The following FHOD3 variants were observed in gnomAD, a reference collection of about 807,000 sequenced individuals.
FHOD3 encodes formin homology 2 domain containing 3, also known as FH1/FH2 domain-containing protein 3.
In FHOD3, 90 loss-of-function variants were observed where a neutral mutation model predicts 173.0. The ratio of observed to expected loss-of-function variants is 0.52; its 90% CI spans 0.44 to 0.62. The LOEUF (loss-of-function observed/expected upper bound fraction) is 0.62, where lower values mean the gene tolerates loss of function less well. Among genes scored for constraint, FHOD3 ranks in the 20% least tolerant of loss-of-function variants. FHOD3 has a pLI of 0.00. For synonymous variants in FHOD3, 828 were observed against 823.0 expected, an observed-to-expected ratio of 1.01 and a Z score of -0.10; for missense variants, 1,945 against 2,034.7, an observed-to-expected ratio of 0.96 and a Z score of 0.85.
At chr18:36,409,556 G>A (rs2049245110) in intron 3 of FHOD3, among the ~76,000 whole-genome samples, 1 of 152,210 alleles carries the variant, frequency 6.6e-6, no homozygotes, top group South Asian at 2.1e-4. Flanking sequence ...TGGGCTCAGA[G>A]CCCATTGACT....
At chr18:36,517,936 G>A (rs1044017438) in intron 5 of FHOD3, among the ~76,000 whole-genome samples, 1 of 152,152 alleles carries the variant, frequency 6.6e-6, no homozygotes. Context: ...GAATCAGGAT[G>A]TATGGTCAGA....
chr18:36,701,715 A>G (rs2039598702), intron 17 of FHOD3, among the ~76,000 whole-genome samples: 2 of 152,194 alleles, frequency 1.3e-5, no homozygotes. Context: ...ATTTGGGGGT[A>G]ACACAGCCCA....
intron 18 of FHOD3, among the ~76,000 whole-genome samples, chr18:36,712,888 A>C (rs2040247559): frequency 6.6e-6 from 1 of 152,120 alleles, no homozygotes; most frequent in African/African-American, 2.4e-5. Context: ...GAAACATATT[A>C]CCTATAGGGG....
At chr18:36,308,753 T>C (rs1266628582) in intron 1 of FHOD3, among the ~76,000 whole-genome samples, 1 of 152,196 alleles carries the variant, frequency 6.6e-6, no homozygotes, top group Non-Finnish European at 1.5e-5. Flanking sequence ...GTCTGTTACA[T>C]AGTAAGCCCC....
At chr18:36,563,196 C>T (rs2058149715) in intron 5 of FHOD3, among the ~76,000 whole-genome samples, 3 of 152,302 alleles carry the variant, frequency 2.0e-5, no homozygotes, top group African/African-American at 7.2e-5. Flanking sequence ...CTAGCATGTA[C>T]TCTTAATTGT....
chr18:36,303,807 T>C (rs1340155445), intron 1 of FHOD3, among the ~76,000 whole-genome samples: 2 of 152,102 alleles, frequency 1.3e-5, no homozygotes, highest in African/African-American at 4.8e-5. Context: ...CTGCTGGCCA[T>C]TTTCAGAGTC....
At chr18:36,640,808 T>C (rs2035249238) in intron 10 of FHOD3, among the ~76,000 whole-genome samples, 1 of 152,026 alleles carries the variant, frequency 6.6e-6, no homozygotes, top group Non-Finnish European at 1.5e-5. Context: ...CTCTGTGCTG[T>C]GTGAAAGAAG....
At chr18:36,626,707 T>G (rs1352553969) in intron 10 of FHOD3, among the ~76,000 whole-genome samples, 2 of 152,166 alleles carry the variant, frequency 1.3e-5, no homozygotes, top group African/African-American at 4.8e-5. Flanking sequence ...ATCATAGAGA[T>G]CCTCCTGGGA....
chr18:36,528,811 C>G (rs1365575862), intron 5 of FHOD3, among the ~76,000 whole-genome samples: 1 of 152,198 alleles, frequency 6.6e-6, no homozygotes, highest in African/African-American at 2.4e-5. Flanking sequence ...TTGTACAGCT[C>G]TGCCCTTTTA....
chr18:36,773,778 C>G (rs1458085843), intron 28 of FHOD3, among the ~76,000 whole-genome samples: 1 of 152,182 alleles, frequency 6.6e-6, no homozygotes, highest in African/African-American at 2.4e-5. Flanking sequence ...ACCTCACTCC[C>G]CACCACACTG....
intron 9 of FHOD3, among the ~76,000 whole-genome samples, chr18:36,617,151 C>T (rs957853375): frequency 2.0e-5 from 3 of 152,200 alleles, no homozygotes; most frequent in Non-Finnish European, 4.4e-5. Context: ...TAAGAACTCT[C>T]AGCAAATATC....
chr18:36,380,578 T>TTTCCTTTCC (rs2047715673), intron 3 of FHOD3, among the ~76,000 whole-genome samples: 719 of 52,404 alleles, frequency 0.014, 17 homozygotes, highest in Admixed American at 0.055. Flanking sequence ...TTTTCTTTTC[T>TTTCCTTTCC]TTTCCTTTCC....
At chr18:36,544,848 A>G (rs2057355458) in intron 5 of FHOD3, among the ~76,000 whole-genome samples, 1 of 152,200 alleles carries the variant, frequency 6.6e-6, no homozygotes, top group Non-Finnish European at 1.5e-5. Context: ...AAAGCTTTGA[A>G]CAGAGAAATT....
At chr18:36,509,866 G>A (rs999644678) in intron 4 of FHOD3, among the ~76,000 whole-genome samples, 14 of 152,306 alleles carry the variant, frequency 9.2e-5, no homozygotes, top group Non-Finnish European at 1.8e-4. Flanking sequence ...GAGCAGCCTC[G>A]TTGGCACCAT....
chr18:36,567,803 C>A (rs543908521), intron 5 of FHOD3, among the ~76,000 whole-genome samples: 1 of 152,234 alleles, frequency 6.6e-6, no homozygotes, highest in African/African-American at 2.4e-5. Flanking sequence ...ACATGTTTCT[C>A]ACTCTGTTAT....
At chr18:36,621,770 G>A (rs370129152) in intron 9 of FHOD3, among the ~76,000 whole-genome samples, 42 of 152,240 alleles carry the variant, frequency 2.8e-4, no homozygotes, top group African/African-American at 9.1e-4. Flanking sequence ...ACAGTACAAA[G>A]TTAAAGAAAA....
At chr18:36,765,415 A>T (rs1272713139) in intron 27 of FHOD3, among the ~76,000 whole-genome samples, 3 of 152,204 alleles carry the variant, frequency 2.0e-5, no homozygotes, top group Non-Finnish European at 4.4e-5. Context: ...TCTTCTATAC[A>T]CAAAGTCCAG....
intron 5 of FHOD3, among the ~76,000 whole-genome samples, chr18:36,522,720 G>T (rs1568380473): frequency 1.3e-5 from 2 of 152,292 alleles, no homozygotes; most frequent in South Asian, 2.1e-4. Flanking sequence ...ATGAATGCCT[G>T]GGAGAGGAGT....
chr18:36,372,831 T>C, intron 3 of FHOD3, 87 bp downstream of exon 3: 1 of 1,119,300 alleles, frequency 8.9e-7, no homozygotes, highest in South Asian at 1.4e-5. Context: ...TTATGCTGTC[T>C]GTTTGCACTA....
Sources: gnomAD v4.1 joint callset for allele counts (sites outside exome capture counted in the v4.1 genomes callset) on GRCh38, gnomAD v4.1.1 for gene constraint, MANE v1.5 for transcripts, NCBI Gene and HGNC (gene_info 2026-07-23, HGNC 2026-07-21) for gene names.